The following ANKIB1 variants were observed in gnomAD, a reference collection of about 807,000 sequenced individuals.
ANKIB1 encodes the protein ankyrin repeat and IBR domain-containing protein 1.
A neutral mutation model predicts 122.1 loss-of-function variants in ANKIB1; 43 were observed. That is an observed-to-expected ratio of 0.35 (90% CI 0.28 to 0.45). The LOEUF (loss-of-function observed/expected upper bound fraction) is 0.45. Ranked by LOEUF, ANKIB1 falls within the 20% of genes least tolerant of loss-of-function variation. ANKIB1 has a pLI of 1.00. For missense variants in ANKIB1, 992 were observed against 1,329.5 expected, an observed-to-expected ratio of 0.75 and a Z score of 3.95; for synonymous variants, 390 against 442.0, an observed-to-expected ratio of 0.88 and a Z score of 1.48.
chr7:92,344,088 G>A (rs138366048), intron 6 of ANKIB1, among the ~76,000 whole-genome samples: 18 of 149,978 alleles, frequency 1.2e-4, no homozygotes, highest in African/African-American at 4.2e-4. Flanking sequence ...GAGAGCTATT[G>A]TTTAGAAGAT....
At chr7:92,380,322 G>A (rs1343461969) in intron 11 of ANKIB1, among the ~76,000 whole-genome samples, 1 of 152,178 alleles carries the variant, frequency 6.6e-6, no homozygotes, top group South Asian at 2.1e-4. Flanking sequence ...CTGAACAAAA[G>A]GCCACAGAAA....
intron 11 of ANKIB1, among the ~76,000 whole-genome samples, chr7:92,375,277 A>G (rs777132454): frequency 5.9e-5 from 9 of 152,316 alleles, no homozygotes; most frequent in Admixed American, 1.3e-4. Flanking sequence ...AAAATAAGAC[A>G]ACAATGAAAT....
chr7:92,318,442 G>C (rs1176413978), intron 3 of ANKIB1, among the ~76,000 whole-genome samples: 1 of 152,130 alleles, frequency 6.6e-6, no homozygotes, highest in East Asian at 1.9e-4. Flanking sequence ...CTTGAACCCA[G>C]GTTGCAGTGA....
chr7:92,265,898 G>A (rs1295494980), intron 1 of ANKIB1, among the ~76,000 whole-genome samples: 1 of 152,146 alleles, frequency 6.6e-6, no homozygotes, highest in Non-Finnish European at 1.5e-5. Context: ...ACAGGAGTCC[G>A]GATTTCAGAA....
intron 7 of ANKIB1, 82 bp from the exon 8 acceptor site, chr7:92,350,868 G>T: frequency 7.4e-7 from 1 of 1,346,192 alleles, no homozygotes; most frequent in South Asian, 1.6e-5. Context: ...AAAAAAAAAA[G>T]GAAAGAAAAA....
intron 15 of ANKIB1, 86 bp from the exon 16 acceptor site, chr7:92,391,080 T>G: frequency 8.5e-7 from 1 of 1,171,254 alleles, no homozygotes; most frequent in Non-Finnish European, 1.1e-6. Flanking sequence ...AGAGTTAGAT[T>G]TAACTGAGAA....
intron 4 of ANKIB1, 74 bp downstream of exon 4, chr7:92,319,586 C>A: frequency 7.1e-7 from 1 of 1,404,522 alleles, no homozygotes; most frequent in Non-Finnish European, 9.8e-7. Flanking sequence ...TATTTTTCTT[C>A]TTTAAAACTC....
Position 92,389,960 on chromosome 7 carries a change from T to A in ANKIB1, c.1907-11T>A. On this transcript the variant is annotated splice_polypyrimidine_tract_variant and intron_variant, in intron 14 of 19. Coordinates refer to ENST00000265742, the MANE Select transcript of ANKIB1 (RefSeq NM_019004.2). ...CAAAAACAAATTCACTGTGCCTCAA[T>A]TACTTTTTAGCTGAAGGAGGCTGTC... is the stretch of plus-strand genomic sequence containing the variant. 1 of 1,577,238 alleles carries A rather than the reference T, an allele frequency of 6.3e-7. No homozygotes were observed. The highest frequency in any genetic ancestry group is 8.6e-7 in the Non-Finnish European group (1 of 1,168,990).
chr7:92,364,429 G>A (rs1398130532), intron 10 of ANKIB1, among the ~76,000 whole-genome samples: 1 of 151,590 alleles, frequency 6.6e-6, no homozygotes, highest in African/African-American at 2.4e-5. Flanking sequence ...ATATGTATGG[G>A]TGTGTATATG....
At chr7:92,386,731 T>A in intron 12 of ANKIB1, 88 bp downstream of exon 12, 1 of 1,233,530 alleles carries the variant, frequency 8.1e-7, no homozygotes, top group Non-Finnish European at 1.1e-6. Context: ...ATTTTCATCT[T>A]AATAAAGTAT....
At chr7:92,347,919 AAAT>A (rs1803575340) in intron 7 of ANKIB1, 1 of 410,496 alleles carries the variant, frequency 2.4e-6, no homozygotes, top group Non-Finnish European at 4.8e-6. Context: ...ATCGTTCAAT[AAAT>A]ATTACTTATT....
chr7:92,386,795 A>G (rs1275256281), intron 12 of ANKIB1, among the ~76,000 whole-genome samples, 152 bp downstream of exon 12: 1 of 152,096 alleles, frequency 6.6e-6, no homozygotes, highest in Admixed American at 6.5e-5. Context: ...AGCTCTGTAA[A>G]CTTGAGAGCT....
chr7:92,246,182 G>T lies in ANKIB1; in HGVS notation c.-428G>T, dbSNP rs1398920095. Reference sequence around the variant, plus strand: ...TGGAACATGAGCCGGGCTTGACCGCGAGGCGGAGGCAAGAGCCACCGCCCC... The same window carrying T: ...TGGAACATGAGCCGGGCTTGACCGCTAGGCGGAGGCAAGAGCCACCGCCCC... On this transcript the variant is annotated 5_prime_UTR_variant, in exon 1 of 20. Transcript: ENST00000265742. 2.8e-6 allele frequency: 1 copy of T among 354,508 alleles called. No individual in the cohort carries two copies. Among genetic ancestry groups the T allele is most frequent in the Non-Finnish European group, 5.3e-6 (1 of 188,430 alleles). The allele number at this position is 354,508 out of a possible 1,614,324, so 22.0% of individuals were successfully genotyped here. A position where few individuals can be genotyped will look rare whatever the true frequency, so the allele number is the denominator to read the frequency against.
chr7:92,249,234 G>A (rs1801269146), intron 1 of ANKIB1, among the ~76,000 whole-genome samples: 1 of 152,132 alleles, frequency 6.6e-6, no homozygotes, highest in African/African-American at 2.4e-5. Context: ...CCTTTGTTGA[G>A]CATCTACTGT....
intron 10 of ANKIB1, among the ~76,000 whole-genome samples, chr7:92,366,287 T>C (rs750888264): frequency 7.2e-5 from 11 of 152,130 alleles, no homozygotes; most frequent in Non-Finnish European, 1.5e-4. Context: ...GTCTAGATCC[T>C]GGGTCCTGGG....
At chr7:92,284,681 CTTCT>C (rs1236315768) in intron 1 of ANKIB1, among the ~76,000 whole-genome samples, 1 of 149,656 alleles carries the variant, frequency 6.7e-6, no homozygotes, top group African/African-American at 2.5e-5. Flanking sequence ...TCATTTGTTC[CTTCT>C]TTCTTTCTTT....
chr7:92,369,280 T>C lies in ANKIB1; in HGVS notation c.1487-2197T>C, dbSNP rs1036507717. Among the ~76,000 whole-genome samples, 2 of 152,348 alleles carry C rather than the reference T, an allele frequency of 1.3e-5. 1 individual carries two copies. Among genetic ancestry groups the C allele is most frequent in the South Asian group, 4.1e-4 (2 of 4,820 alleles). On this transcript the variant is annotated intron_variant, in intron 10 of 19. Coordinates refer to ENST00000265742, the MANE Select transcript of ANKIB1 (RefSeq NM_019004.2). ...ATCTTCTACCAAGTGTGTTCAGAACTGGAGTAAAGTCTGATCAGTTCATTA... is the reference window on the plus strand; with the variant it reads ...ATCTTCTACCAAGTGTGTTCAGAACCGGAGTAAAGTCTGATCAGTTCATTA...
chr7:92,317,663 G>A (rs933277957), intron 3 of ANKIB1, among the ~76,000 whole-genome samples: 1 of 152,174 alleles, frequency 6.6e-6, no homozygotes, highest in Non-Finnish European at 1.5e-5. Flanking sequence ...CAGTGGGCTT[G>A]TCAAGTTAGC....
chr7:92,376,258 A>G (rs1163281982), intron 11 of ANKIB1, among the ~76,000 whole-genome samples: 1 of 152,188 alleles, frequency 6.6e-6, no homozygotes, highest in East Asian at 1.9e-4. Flanking sequence ...TTGGAGCCAG[A>G]CATTGACTTT....
Sources: allele counts gnomAD v4.1 joint callset (sites outside exome capture counted in the v4.1 genomes callset), GRCh38; gene constraint gnomAD v4.1.1; transcripts MANE v1.5; gene names NCBI Gene and HGNC (gene_info 2026-07-23, HGNC 2026-07-21).